The following KDM6A variants were observed in gnomAD, a reference collection of about 807,000 sequenced individuals.
The protein encoded by KDM6A is lysine demethylase 6A.
Under a neutral mutation model 117.6 loss-of-function variants are expected in KDM6A, and 11 were observed. That is an observed-to-expected ratio of 0.09 (90% confidence interval 0.06 to 0.15). KDM6A has a LOEUF of 0.15. Among genes scored for constraint, KDM6A ranks in the 10% least tolerant of loss-of-function variants. KDM6A has a pLI of 1.00. For missense variants in KDM6A, 799 were observed against 1,077.3 expected (o/e 0.74, Z 3.62); for synonymous variants, 384 against 396.1 (o/e 0.97, Z 0.36).
chrX:45,061,019 A>G (rs1224632021), intron 14 of KDM6A, among the ~76,000 whole-genome samples: 2 of 111,146 alleles, frequency 1.8e-5, no homozygotes, highest in African/African-American at 6.6e-5. Flanking sequence ...ATCACTTTTT[A>G]CTGACATTGA....
chrX:44,994,844 G>A (rs1442064147), intron 4 of KDM6A, among the ~76,000 whole-genome samples: 2 of 110,996 alleles, frequency 1.8e-5, no homozygotes, highest in African/African-American at 6.6e-5. Flanking sequence ...AGAGAGTGAC[G>A]GGGTGAGTGG....
At chrX:44,946,983 GTCTT>G (rs1443888253) in intron 2 of KDM6A, among the ~76,000 whole-genome samples, 4 of 111,659 alleles carry the variant, frequency 3.6e-5, no homozygotes, top group African/African-American at 6.5e-5. Flanking sequence ...TCTTTTTTAA[GTCTT>G]TCTATGTTAT....
intron 3 of KDM6A, 58 bp from the exon 4 acceptor site, chrX:44,974,608 G>T: frequency 2.6e-6 from 2 of 773,690 alleles, no homozygotes; most frequent in Non-Finnish European, 4.0e-6. Flanking sequence ...TGTTTGTTAA[G>T]TGTATTATTG....
chrX:44,950,381 G>C (rs2037921914), intron 2 of KDM6A, among the ~76,000 whole-genome samples: 2 of 111,712 alleles, frequency 1.8e-5, no homozygotes, highest in African/African-American at 6.5e-5. Context: ...CTCTCATACT[G>C]TCCTTGGCCC....
chrX:45,040,156 C>T (rs1463153511), intron 8 of KDM6A, among the ~76,000 whole-genome samples: 1 of 74,131 alleles, frequency 1.3e-5, no homozygotes, highest in Admixed American at 1.4e-4. Flanking sequence ...CCCCCACCAT[C>T]CTCCCGGACG....
At chrX:44,896,215 T>A (rs7064755) in intron 2 of KDM6A, among the ~76,000 whole-genome samples, 23,470 of 108,346 alleles carry the variant, frequency 0.22, 4,322 homozygotes, top group African/African-American at 0.61. Flanking sequence ...CTGGGACTAC[T>A]GGCACCTGCC....
At chrX:45,012,219 T>G (rs1286165537) in intron 5 of KDM6A, among the ~76,000 whole-genome samples, 9 of 85,762 alleles carry the variant, frequency 1.0e-4, no homozygotes, top group Admixed American at 7.0e-4. Context: ...TTTTTTTTTT[T>G]GGTCAGAGTC....
chrX:44,894,729 C>T (rs1208003303), intron 2 of KDM6A, among the ~76,000 whole-genome samples: 3 of 107,659 alleles, frequency 2.8e-5, no homozygotes, highest in East Asian at 5.9e-4. Flanking sequence ...GATTCTCCTG[C>T]CTCAGCCCCC....
At chrX:44,942,987 C>T (rs1034206662) in intron 2 of KDM6A, among the ~76,000 whole-genome samples, 1 of 111,182 alleles carries the variant, frequency 9.0e-6, no homozygotes, top group Non-Finnish European at 1.9e-5. Flanking sequence ...ATGGACTTTA[C>T]AAGAGTATAT....
chrX:44,989,071 G>C (rs769344578), intron 4 of KDM6A, among the ~76,000 whole-genome samples: 1 of 107,676 alleles, frequency 9.3e-6, no homozygotes, highest in East Asian at 2.9e-4. Context: ...TGAGCTTCCA[G>C]GTGGCTTTGT....
At chrX:45,022,108 A>T (rs2147682113) in intron 6 of KDM6A, among the ~76,000 whole-genome samples, 1 of 112,307 alleles carries the variant, frequency 8.9e-6, no homozygotes, top group African/African-American at 3.2e-5. Flanking sequence ...ATACATTTGA[A>T]GGGAAAAGCA....
At chrX:45,068,828 C>CTCTTT (rs1569535219) in intron 17 of KDM6A, among the ~76,000 whole-genome samples, 7 of 98,987 alleles carry the variant, frequency 7.1e-5, no homozygotes, top group Non-Finnish European at 1.4e-4. Context: ...CTTTCTCTTT[C>CTCTTT]CCTTTCCCTT....
chrX:45,031,415 A>G (rs765895967), intron 6 of KDM6A, among the ~76,000 whole-genome samples: 34 of 112,529 alleles, frequency 3.0e-4, no homozygotes, highest in African/African-American at 1.1e-3. Context: ...AGCAGTATCA[A>G]CTATACATAC....
intron 20 of KDM6A, 57 bp downstream of exon 20, chrX:45,078,562 C>G (rs2045242316): frequency 3.0e-6 from 3 of 993,523 alleles, no homozygotes; most frequent in Non-Finnish European, 4.2e-6. Context: ...TATCTTTTAA[C>G]TTTTCCAGCA....
chrX:44,943,129 T>C (rs1206527889), intron 2 of KDM6A, among the ~76,000 whole-genome samples: 2 of 111,564 alleles, frequency 1.8e-5, no homozygotes, highest in African/African-American at 3.3e-5. Context: ...CTCTTTTTGA[T>C]GTATAATTTA....
At chrX:45,062,018 G>T (rs1424253060) in intron 15 of KDM6A, among the ~76,000 whole-genome samples, 1 of 109,477 alleles carries the variant, frequency 9.1e-6, no homozygotes, top group African/African-American at 3.3e-5. Context: ...AATGTGGCTG[G>T]TATTACTAAT....
At chrX:45,050,259 G>GA (rs1307746654) in intron 8 of KDM6A, among the ~76,000 whole-genome samples, 1 of 112,736 alleles carries the variant, frequency 8.9e-6, no homozygotes, top group Non-Finnish European at 1.9e-5. Flanking sequence ...GAATTCACTT[G>GA]AACCCGGGAG....
Position 45,079,246 on chromosome X carries a change from TCCCAC to T in KDM6A, c.3196_3200del (p.Pro1066TrpfsTer9). ...TGCAGCCAGCAGATGAAAACTGGGATCCCACTGGAACAAAGAAAATCTGGCATTGT... is the reference window on the plus strand; with the variant it reads ...TGCAGCCAGCAGATGAAAACTGGGATTGGAACAAAGAAAATCTGGCATTGT... On this transcript the variant is annotated frameshift_variant, in exon 21 of 30. Transcript: ENST00000611820. LOFTEE classifies it high-confidence loss of function. The T allele has an allele frequency of 8.3e-7, 1 of 1,206,203 alleles. No homozygotes were observed.
chrX:44,946,749 T>TC (rs1398855149), intron 2 of KDM6A, among the ~76,000 whole-genome samples: 1 of 105,022 alleles, frequency 9.5e-6, no homozygotes, highest in Non-Finnish European at 2.0e-5. Context: ...ATTTTTTTTC[T>TC]CCCGTTAGAA....
Sources: allele counts gnomAD v4.1 joint callset (sites outside exome capture counted in the v4.1 genomes callset), GRCh38; gene constraint gnomAD v4.1.1; transcripts MANE v1.5; gene names NCBI Gene and HGNC (gene_info 2026-07-23, HGNC 2026-07-21).